Variants in C10orf105 observed in about 807,000 individuals in gnomAD.
C10orf105 encodes uncharacterized protein C10orf105.
In C10orf105, 2 loss-of-function variants were observed where a neutral mutation model predicts 0.6. The observed-to-expected ratio is 3.18, with a 90% CI of 1.30 to 10.01. The LOEUF (loss-of-function observed/expected upper bound fraction) is 10.01, where lower values mean the gene tolerates loss of function less well. Among genes scored for constraint, C10orf105 ranks in the 30% most tolerant of loss-of-function variants. The pLI is 0.04. For synonymous variants in C10orf105, 95 were observed against 82.4 expected, an observed-to-expected ratio of 1.15 and a Z score of -0.83; for missense variants, 209 against 191.4, an observed-to-expected ratio of 1.09 and a Z score of -0.54.
upstream of C10orf105, chr10:71,724,099 C>A (rs1207934003): frequency 6.4e-7 from 1 of 1,557,948 alleles, no homozygotes; most frequent in Admixed American, 1.9e-5. Flanking sequence ...GTACCGCATC[C>A]TCCATGGTAA....
At chr10:71,722,066 T>C (rs1041032185), upstream of C10orf105, among the ~76,000 whole-genome samples, 3 of 152,220 alleles carry the variant, frequency 2.0e-5, no homozygotes, top group African/African-American at 7.2e-5. Flanking sequence ...CCCCATCTTC[T>C]CTGCAGTTTT....
At chr10:71,733,374 A>T (rs577084826) in intron 1 of C10orf105, among the ~76,000 whole-genome samples, 2 of 152,336 alleles carry the variant, frequency 1.3e-5, no homozygotes, top group African/African-American at 4.8e-5. Flanking sequence ...GGTACGATCA[A>T]TTATTAACTG....
At chr10:71,727,091 T>G (rs761477738) in intron 1 of C10orf105, among the ~76,000 whole-genome samples, 39 of 152,250 alleles carry the variant, frequency 2.6e-4, no homozygotes, top group Admixed American at 2.6e-4. Flanking sequence ...ACGTGCCCGA[T>G]ATTTTTCTAA....
upstream of C10orf105, among the ~76,000 whole-genome samples, chr10:71,723,414 C>T (rs865933786): frequency 4.6e-5 from 7 of 152,156 alleles, no homozygotes; most frequent in African/African-American, 1.4e-4. Flanking sequence ...CGTCCCCCCC[C>T]ACACACAAGC....
chr10:71,720,379 C>T (rs1866497769), upstream of C10orf105, among the ~76,000 whole-genome samples: 1 of 151,676 alleles, frequency 6.6e-6, no homozygotes, highest in Non-Finnish European at 1.5e-5. Context: ...CCCCACAGTG[C>T]GGGTGGGCCA....
At chr10:71,728,210 C>A (rs2132813170) in intron 1 of C10orf105, among the ~76,000 whole-genome samples, 1 of 152,250 alleles carries the variant, frequency 6.6e-6, no homozygotes, top group South Asian at 2.1e-4. Context: ...CCCACCCTAC[C>A]CAGGATCTTC....
chr10:71,734,556 G>A (rs1839501642), intron 1 of C10orf105: 3 of 1,607,270 alleles, frequency 1.9e-6, no homozygotes, highest in Admixed American at 3.3e-5. Flanking sequence ...CACCTCCAGA[G>A]ACACTGCCGG....
intron 1 of C10orf105, among the ~76,000 whole-genome samples, chr10:71,736,191 C>T (rs1447410052): frequency 6.6e-6 from 1 of 152,254 alleles, no homozygotes; most frequent in African/African-American, 2.4e-5. Context: ...GCTTTGCCCT[C>T]TTCCGGTTAG....
intron 1 of C10orf105, 104 bp downstream of exon 1, chr10:71,719,523 G>A (rs1315499247): frequency 6.6e-6 from 1 of 152,550 alleles, no homozygotes; most frequent in Non-Finnish European, 1.5e-5. Context: ...CCAGAGGACT[G>A]CCTAGGTCTG....
chr10:71,733,833 A>G (rs1839470429), intron 1 of C10orf105, among the ~76,000 whole-genome samples: 1 of 152,238 alleles, frequency 6.6e-6, no homozygotes, highest in African/African-American at 2.4e-5. Context: ...GTGAATCACT[A>G]CAACGTGACA....
chr10:71,733,395 C>A (rs1839455106), intron 1 of C10orf105, among the ~76,000 whole-genome samples: 1 of 152,204 alleles, frequency 6.6e-6, no homozygotes, highest in Non-Finnish European at 1.5e-5. Context: ...AATCTCCAGC[C>A]TCTGTCCTCT....
chr10:71,725,617 G>A (rs1471129082), intron 1 of C10orf105: 87 of 1,370,562 alleles, frequency 6.3e-5, no homozygotes, highest in Non-Finnish European at 8.2e-5. Context: ...GTGTGGGCAG[G>A]GCCACCACTG....
upstream of C10orf105, chr10:71,724,063 G>T: frequency 6.4e-7 from 1 of 1,560,770 alleles, no homozygotes; most frequent in Non-Finnish European, 8.7e-7. Context: ...CACGGACGCA[G>T]ATGAGGGCGA....
In C10orf105 at chr10:71,726,037, C is replaced by T. The variant is rs191260575; in HGVS notation, c.-5-9695G>A. Among the ~76,000 whole-genome samples the T allele has an allele frequency of 2.3e-3, 346 of 152,270 alleles. 2 individuals are homozygous for T. Among genetic ancestry groups the T allele is most frequent in the African/African-American group, 8.0e-3 (333 of 41,544 alleles). On this transcript the variant is annotated intron_variant, in intron 1 of 1. Coordinates refer to the C10orf105 transcript ENST00000398786. ...CCTCATCAAATGTATTCTTTCCTGC[C>T]CAGCCTTATCTGTGCAGCCAAAATC...
upstream of C10orf105, among the ~76,000 whole-genome samples, chr10:71,724,507 T>C (rs1866720368): frequency 6.6e-6 from 1 of 152,236 alleles, no homozygotes; most frequent in South Asian, 2.1e-4. Context: ...TTTCACCGTG[T>C]TAGCCAGGAT....
rs397517321 is a variant in C10orf105 at position 71,712,775 on chromosome 10, G to T, written c.*3161C>A. On this transcript the variant is annotated 3_prime_UTR_variant, in exon 2 of 2. Coordinates refer to ENST00000441508, the MANE Select transcript of C10orf105 (RefSeq NM_001164375.3). ...TCTGCAGAGCAGCTATGAGGCCAGCGTCCCTGAGGACATCCCTGAAGGCCA... is the reference window on the plus strand; with the variant it reads ...TCTGCAGAGCAGCTATGAGGCCAGCTTCCCTGAGGACATCCCTGAAGGCCA... 1.2e-6 allele frequency: 2 copies of T among 1,613,054 alleles called. No individual in the cohort carries two copies. Among genetic ancestry groups the T allele is most frequent in the South Asian group, 2.2e-5 (2 of 90,886 alleles).
upstream of C10orf105, among the ~76,000 whole-genome samples, chr10:71,720,879 G>A (rs1035038995): frequency 4.6e-5 from 7 of 152,184 alleles, no homozygotes; most frequent in Admixed American, 3.9e-4. Flanking sequence ...GGGGGACTTG[G>A]TGTTTCCCCT....
chr10:71,729,649 A>G (rs553396026), intron 1 of C10orf105, among the ~76,000 whole-genome samples: 9 of 152,144 alleles, frequency 5.9e-5, no homozygotes, highest in African/African-American at 2.2e-4. Context: ...GTGCACAAGT[A>G]AAGAGTACTG....
At chr10:71,730,996 C>T (rs958169210) in intron 1 of C10orf105, among the ~76,000 whole-genome samples, 2 of 152,260 alleles carry the variant, frequency 1.3e-5, no homozygotes, top group Admixed American at 1.3e-4. Context: ...CCTTCCAGGA[C>T]CAGCTCAGGG....
Sources: allele counts gnomAD v4.1 joint callset (sites outside exome capture counted in the v4.1 genomes callset), GRCh38; gene constraint gnomAD v4.1.1; transcripts MANE v1.5; gene names NCBI Gene and HGNC (gene_info 2026-07-23, HGNC 2026-07-21).